Variants in PAQR3 observed in about 807,000 individuals in gnomAD.
The protein encoded by PAQR3 is Raf kinase trapping to Golgi.
PAQR3 carries 39 observed loss-of-function variants against 41.7 expected under a neutral mutation model. The observed-to-expected ratio is 0.93, with a 90% CI of 0.72 to 1.22. The LOEUF is 1.22. Among genes scored for constraint, PAQR3 ranks in the 50% most tolerant of loss-of-function variants. PAQR3 has a pLI of 0.00. For missense variants in PAQR3, 366 were observed against 385.6 expected (o/e 0.95, Z 0.42); for synonymous variants, 140 against 140.6 (o/e 1.00, Z 0.03).
At chr4:78,929,885 C>G (rs1736658283) in intron 3 of PAQR3, among the ~76,000 whole-genome samples, 1 of 151,932 alleles carries the variant, frequency 6.6e-6, no homozygotes, top group Non-Finnish European at 1.5e-5. Context: ...AACCACGCAG[C>G]CATATAGATT....
At chr4:78,897,891 TGA>T (rs1174873234) in intron 11 of PAQR3, among the ~76,000 whole-genome samples, 5 of 152,196 alleles carry the variant, frequency 3.3e-5, no homozygotes, top group African/African-American at 7.2e-5. Context: ...TTGGTTAGGT[TGA>T]GAGAGTCATG....
At chr4:78,904,249 AAGAT>A (rs1468801528) in intron 11 of PAQR3, among the ~76,000 whole-genome samples, 1 of 151,912 alleles carries the variant, frequency 6.6e-6, no homozygotes, top group African/African-American at 2.4e-5. Flanking sequence ...AGTTCTAAGA[AAGAT>A]CATAGTAAAC....
chr4:78,935,166 G>A lies in PAQR3; in HGVS notation c.303C>T (p.Ser101=), dbSNP rs766160215. ...MTSVLPSASA[S]REDFVICSIC... ...TAGAACAAATTACAAAATCTTCTCT[G>A]GACGCACTTGCTGAAGGTAACACAG... Residue 101 remains serine, a synonymous_variant, in exon 2 of 6, where the codon TCC becomes TCT. Coordinates refer to ENST00000512733, the MANE Select transcript of PAQR3 (RefSeq NM_001040202.2). The A allele has an allele frequency of 3.7e-6, 6 of 1,613,780 alleles. No individual in the cohort carries two copies. The highest frequency in any genetic ancestry group is 1.3e-5 in the African/African-American group (1 of 75,020).
At chr4:78,933,984 C>G (rs1277941740) in intron 2 of PAQR3, among the ~76,000 whole-genome samples, 1 of 152,072 alleles carries the variant, frequency 6.6e-6, no homozygotes, top group Non-Finnish European at 1.5e-5. Flanking sequence ...TACTAAGATG[C>G]ACCTAAAAAT....
chr4:78,927,468 G>A (rs148405746), intron 3 of PAQR3, among the ~76,000 whole-genome samples: 130 of 152,352 alleles, frequency 8.5e-4, no homozygotes, highest in African/African-American at 3.1e-3. Flanking sequence ...AAGAGAGAGT[G>A]GGGGCTTGGA....
intron 2 of PAQR3, among the ~76,000 whole-genome samples, chr4:78,933,759 T>C (rs980213419): frequency 3.3e-5 from 5 of 152,240 alleles, no homozygotes; most frequent in African/African-American, 7.2e-5. Flanking sequence ...TATTTAATCC[T>C]TTTTAGTTTT....
At chr4:78,890,867 G>C (rs1485237429) in intron 11 of PAQR3, among the ~76,000 whole-genome samples, 1 of 152,084 alleles carries the variant, frequency 6.6e-6, no homozygotes, top group Non-Finnish European at 1.5e-5. Context: ...TCTAGTTGTT[G>C]CTTGAGAAAA....
At chr4:78,893,674 C>T (rs540402710) in intron 11 of PAQR3, among the ~76,000 whole-genome samples, 7 of 152,256 alleles carry the variant, frequency 4.6e-5, no homozygotes, top group South Asian at 2.1e-4. Flanking sequence ...GTGATCCTCC[C>T]GCCTCAGCAT....
intron 11 of PAQR3, among the ~76,000 whole-genome samples, chr4:78,898,659 A>G (rs1438528323): frequency 6.9e-6 from 1 of 145,236 alleles, no homozygotes; most frequent in Non-Finnish European, 1.5e-5. Context: ...CTCCATCTCA[A>G]AAAAAAAAAA....
downstream of PAQR3, among the ~76,000 whole-genome samples, chr4:78,908,058 G>A (rs905237066): frequency 1.3e-5 from 2 of 152,014 alleles, no homozygotes; most frequent in Non-Finnish European, 2.9e-5. Flanking sequence ...TCATAAATAC[G>A]CTGTGTAGGG....
At chr4:78,921,628 G>A (rs1560571848) in intron 5 of PAQR3, 17 of 930,056 alleles carry the variant, frequency 1.8e-5, no homozygotes, top group Non-Finnish European at 2.2e-5. Context: ...TTCTATCCAT[G>A]GACACCTTGG....
chr4:78,933,839 A>C (rs1230524350), intron 2 of PAQR3, among the ~76,000 whole-genome samples: 1 of 152,228 alleles, frequency 6.6e-6, no homozygotes, highest in Admixed American at 6.5e-5. Flanking sequence ...CAGCTGTGGC[A>C]GGTGGTGAAG....
chr4:78,911,171 A>C (rs1734574119), downstream of PAQR3: 15 of 1,613,752 alleles, frequency 9.3e-6, no homozygotes, highest in Non-Finnish European at 1.3e-5. Context: ...CAGCAAGAAA[A>C]GAATGAAAAG....
At chr4:78,907,377 T>C (rs1471465803), downstream of PAQR3, among the ~76,000 whole-genome samples, 1 of 152,162 alleles carries the variant, frequency 6.6e-6, no homozygotes, top group Non-Finnish European at 1.5e-5. Flanking sequence ...TTAAGAAGAC[T>C]AGGGAGTACA....
In PAQR3 at chr4:78,918,667, TACAGG is replaced by T; in HGVS notation, c.*1867_*1871del. On this transcript the variant is annotated 3_prime_UTR_variant, in exon 6 of 6. Transcript: ENST00000512733. ...TGGCAAGTATGTATTCATATACTAA[TACAGG>T]GACTGCAAAAATTGAAATGATTCAA... is the stretch of plus-strand genomic sequence containing the variant. 9.4e-6 allele frequency: 9 copies of T among 953,040 alleles called. No individual in the cohort carries two copies. The highest frequency in any genetic ancestry group is 1.1e-5 in the Non-Finnish European group (9 of 800,452). 59.0% of individuals were successfully genotyped at this position (953,040 alleles called of 1,614,324 possible).
chr4:78,903,457 A>G (rs1383674435), intron 11 of PAQR3, among the ~76,000 whole-genome samples: 1 of 151,968 alleles, frequency 6.6e-6, no homozygotes, highest in Non-Finnish European at 1.5e-5. Flanking sequence ...TTATCAAAAT[A>G]CACATTAGTA....
At position 78,912,680 on chromosome 4, in the gene PAQR3, T is replaced by C. The variant is rs1446077114; in HGVS notation, c.*7859A>G. On this transcript the variant is annotated 3_prime_UTR_variant, in exon 6 of 6. Transcript: ENST00000512733. Reference sequence around the variant, plus strand: ...ATAAGCATATGAAATAATGTGTAATTAGCTCAATTTAACTATTCCACAACT... The same window carrying C: ...ATAAGCATATGAAATAATGTGTAATCAGCTCAATTTAACTATTCCACAACT... 6.6e-6 allele frequency: 1 copy of C among 152,158 alleles called. No homozygotes were observed. The highest frequency in any genetic ancestry group is 1.5e-5 in the Non-Finnish European group (1 of 68,016). The allele number at this position is 152,158 out of a possible 1,614,324, so 9.4% of individuals were successfully genotyped here.
chr4:78,936,296 A>C (rs1051841735), intron 1 of PAQR3, among the ~76,000 whole-genome samples: 1 of 152,258 alleles, frequency 6.6e-6, no homozygotes, highest in Non-Finnish European at 1.5e-5. Context: ...ATTTTTGCTT[A>C]AATTTAGGTT....
rs1192728288 is a variant in PAQR3, at chr4:78,914,290, T to A, written c.*6249A>T. 6.6e-6 allele frequency: 1 copy of A among 152,116 alleles called. No individual in the cohort carries two copies. The highest frequency in any genetic ancestry group is 1.5e-5 in the Non-Finnish European group (1 of 67,970). 9.4% of individuals were successfully genotyped at this position (152,116 alleles called of 1,614,324 possible). ...CTGACACTGATGTAGACCCTTTGACTTATAAATTCTGAGGAAACAACTGAC... is the reference window on the plus strand; with the variant it reads ...CTGACACTGATGTAGACCCTTTGACATATAAATTCTGAGGAAACAACTGAC... On this transcript the variant is annotated 3_prime_UTR_variant, in exon 6 of 6. Coordinates refer to ENST00000512733, the MANE Select transcript of PAQR3 (RefSeq NM_001040202.2).
Sources: allele counts gnomAD v4.1 joint callset (sites outside exome capture counted in the v4.1 genomes callset), GRCh38; gene constraint gnomAD v4.1.1; transcripts MANE v1.5; gene names NCBI Gene and HGNC (gene_info 2026-07-23, HGNC 2026-07-21).